ANKIB1: variants seen among roughly 807,000 people sequenced by gnomAD.
ANKIB1 encodes ankyrin repeat and IBR domain-containing protein 1.
In ANKIB1, 43 loss-of-function variants were observed where a neutral mutation model predicts 122.1. That is an observed-to-expected ratio of 0.35 (90% CI 0.28 to 0.45). The LOEUF is 0.45. ANKIB1 is among the 20% of genes least tolerant of loss of function. ANKIB1 has a pLI of 1.00. For missense variants in ANKIB1, 992 were observed against 1,329.5 expected (o/e 0.75, Z 3.95); for synonymous variants, 390 against 442.0 (o/e 0.88, Z 1.48).
chr7:92,279,576 A>T (rs1247229359), intron 1 of ANKIB1, among the ~76,000 whole-genome samples: 1 of 152,188 alleles, frequency 6.6e-6, no homozygotes, highest in African/African-American at 2.4e-5. Context: ...CAGCAGTCCC[A>T]GAGTCACAGT....
intron 1 of ANKIB1, among the ~76,000 whole-genome samples, chr7:92,272,704 A>T (rs1801822632): frequency 1.3e-5 from 2 of 152,216 alleles, no homozygotes; most frequent in African/African-American, 4.8e-5. Context: ...ATAATGATGA[A>T]TCTGATGGAA....
Position 92,352,648 on chromosome 7 carries a change from T to C in ANKIB1, c.1397+6T>C. 3 of 1,596,074 alleles carry C rather than the reference T, an allele frequency of 1.9e-6. No homozygotes were observed. Among genetic ancestry groups the C allele is most frequent in the Non-Finnish European group, 2.6e-6 (3 of 1,174,762 alleles). ...AAAGGACACCTCTTCTGCTGGTTAG[T>C]ATAAGACAAGTTGGAATCAGCCTAA... On this transcript the variant is annotated splice_donor_region_variant and intron_variant, in intron 9 of 19. Transcript: ENST00000265742.
intron 1 of ANKIB1, among the ~76,000 whole-genome samples, chr7:92,248,997 C>A (rs562678188): frequency 4.7e-5 from 7 of 149,328 alleles, no homozygotes; most frequent in African/African-American, 1.7e-4. Context: ...AAACGATTCT[C>A]CTGCGTCAGC....
At chr7:92,260,666 A>G (rs1385580868) in intron 1 of ANKIB1, among the ~76,000 whole-genome samples, 1 of 151,966 alleles carries the variant, frequency 6.6e-6, no homozygotes, top group East Asian at 1.9e-4. Flanking sequence ...ATGAGTCACA[A>G]AGCGAGACCC....
intron 4 of ANKIB1, chr7:92,325,842 G>T: frequency 2.9e-6 from 1 of 339,306 alleles, no homozygotes; most frequent in Non-Finnish European, 5.9e-6. Flanking sequence ...TGGTCTTTTG[G>T]TAGCAGTAGT....
chr7:92,294,654 T>C (rs1485339754), intron 1 of ANKIB1: 16 of 385,868 alleles, frequency 4.1e-5, no homozygotes, highest in African/African-American at 8.3e-5. Flanking sequence ...AAGGACTGCC[T>C]GTGAAACCTT....
rs1285193959 is a variant in ANKIB1 at position 92,390,034 on chromosome 7, G to A, written c.1970G>A (p.Arg657Gln). Residue 657 changes from arginine to glutamine, a missense_variant, in exon 15 of 20, where the codon CGG becomes CAG. By Grantham distance (43) the Arg-to-Gln change is conservative (BLOSUM62 1). This residue lies in a region of ANKIB1 where 521 missense variants were observed against 777.7 expected (regional missense o/e 0.67). Transcript: ENST00000265742. ...EDAVHVLLKT[R>Q]RILKCSYPYG... ...GCAGTTCATGTGCTCTTAAAAACTC[G>A]GCGCATTCTCAAGTGTTCTTATCCA... 6.8e-6 allele frequency: 11 copies of A among 1,606,344 alleles called. No individual in the cohort carries two copies. The highest frequency in any genetic ancestry group is 6.8e-6 in the Non-Finnish European group (8 of 1,177,410).
chr7:92,357,510 G>A (rs200653554), intron 9 of ANKIB1, among the ~76,000 whole-genome samples: 3 of 151,962 alleles, frequency 2.0e-5, no homozygotes, highest in Non-Finnish European at 2.9e-5. Flanking sequence ...TGAGATGGGC[G>A]GATCCCTTGA....
rs1319293972 is a variant in ANKIB1 at position 92,398,451 on chromosome 7, A to C, written c.2772A>C (p.Arg924Ser). The change falls in exon 20 of 20, where the codon AGA becomes AGC. Residue 924 changes from arginine to serine, a missense_variant. By Grantham distance (110) the Arg-to-Ser change is moderately radical. Transcript: ENST00000265742. ...ELLELGDSLMRLGAENDPFST... is the reference protein window; with the variant it reads ...ELLELGDSLMSLGAENDPFST... ...TGGAACTTGGTGACAGCCTCATGAG[A>C]CTAGGAGCAGAGAATGACCCATTTT... 1 of 1,613,776 alleles carries C rather than the reference A, an allele frequency of 6.2e-7. No individual in the cohort carries two copies. The highest frequency in any genetic ancestry group is 8.5e-7 in the Non-Finnish European group (1 of 1,179,858).
At chr7:92,318,597 A>T (rs1224092834) in intron 3 of ANKIB1, among the ~76,000 whole-genome samples, 2 of 152,208 alleles carry the variant, frequency 1.3e-5, no homozygotes, top group South Asian at 2.1e-4. Context: ...GCCCTTCTTA[A>T]TATCTTTGCA....
At chr7:92,344,266 A>G (rs1803493455) in intron 6 of ANKIB1, among the ~76,000 whole-genome samples, 1 of 130,566 alleles carries the variant, frequency 7.7e-6, no homozygotes, top group South Asian at 2.4e-4. Context: ...GTGTAATGGC[A>G]TGACCTCGGC....
rs1803510915 is a variant in ANKIB1 at position 92,345,017 on chromosome 7, C to T, written c.1036C>T (p.Pro346Ser). 1 of 1,613,234 alleles carries T rather than the reference C, an allele frequency of 6.2e-7. No individual in the cohort carries two copies. Among genetic ancestry groups the T allele is most frequent in the South Asian group, 1.1e-5 (1 of 91,042 alleles). Residue 346 changes from proline (P) to serine (S), a missense_variant, in exon 7 of 20, where the codon CCT (proline) becomes TCT (serine). Coordinates refer to ENST00000265742, the MANE Select transcript of ANKIB1 (RefSeq NM_019004.2). Reference sequence around the variant, plus strand: ...GTGCAGTATCTCTGTATTTGAAGACCCTGTGGATATGCCCTGTGGACATGA... The same window carrying T: ...GTGCAGTATCTCTGTATTTGAAGACTCTGTGGATATGCCCTGTGGACATGA... ...CMCSISVFEDPVDMPCGHDFC... is the reference protein window; with the variant it reads ...CMCSISVFEDSVDMPCGHDFC...
At chr7:92,359,230 TC>T (rs1230149954) in intron 9 of ANKIB1, among the ~76,000 whole-genome samples, 1 of 152,058 alleles carries the variant, frequency 6.6e-6, no homozygotes, top group Non-Finnish European at 1.5e-5. Context: ...TAGCCCCCCA[TC>T]CCCCAACAGG....
chr7:92,263,949 TAAA>T lies in ANKIB1; in HGVS notation c.-91+17432_-91+17434del, dbSNP rs567416421. Among the ~76,000 whole-genome samples, 19 of 152,308 alleles carry T rather than the reference TAAA, an allele frequency of 1.2e-4. No individual in the cohort carries two copies. In the East Asian group the frequency reaches 3.7e-3, roughly 29 times the overall value. ...TATCTGTGGGAAATATAAAGAGGTA[TAAA>T]ACCATTGCCCACAAGTTTACAATTT... On this transcript the variant is annotated intron_variant, in intron 1 of 19. Coordinates refer to ENST00000265742, the MANE Select transcript of ANKIB1 (RefSeq NM_019004.2).
At chr7:92,287,905 G>C (rs7787408) in intron 1 of ANKIB1, among the ~76,000 whole-genome samples, 1 of 151,872 alleles carries the variant, frequency 6.6e-6, no homozygotes, top group Non-Finnish European at 1.5e-5. Context: ...GCATGGCGGC[G>C]TGCGCCTGTA....
At chr7:92,270,147 C>T (rs775776536) in intron 1 of ANKIB1, among the ~76,000 whole-genome samples, 4 of 152,246 alleles carry the variant, frequency 2.6e-5, no homozygotes, top group South Asian at 2.1e-4. Context: ...ACTACAGCCT[C>T]GACTTCCTGG....
intron 10 of ANKIB1, among the ~76,000 whole-genome samples, chr7:92,363,432 C>T (rs1050014056): frequency 1.4e-4 from 21 of 152,008 alleles, no homozygotes; most frequent in African/African-American, 4.8e-4. Flanking sequence ...AAAAAATCCA[C>T]ACTTACATGA....
chr7:92,330,916 A>G (rs1436011677), intron 5 of ANKIB1, among the ~76,000 whole-genome samples: 1 of 152,158 alleles, frequency 6.6e-6, no homozygotes, highest in Non-Finnish European at 1.5e-5. Context: ...ATAATGTAAA[A>G]AACTTATACA....
At chr7:92,316,926 A>G (rs1303720994) in intron 3 of ANKIB1, among the ~76,000 whole-genome samples, 1 of 152,168 alleles carries the variant, frequency 6.6e-6, no homozygotes, top group Non-Finnish European at 1.5e-5. Flanking sequence ...GTGTGGTAAT[A>G]TCTGTTGCAA....
Sources: allele counts gnomAD v4.1 joint callset (sites outside exome capture counted in the v4.1 genomes callset), GRCh38; gene constraint gnomAD v4.1.1; regional missense constraint gnomAD v4.1.1; transcripts MANE v1.5; gene names NCBI Gene and HGNC (gene_info 2026-07-23, HGNC 2026-07-21).